DGKG: variants seen among roughly 807,000 people sequenced by gnomAD.
The protein encoded by DGKG is DAG kinase gamma.
A neutral mutation model predicts 105.3 loss-of-function variants in DGKG; 78 were observed. The ratio of observed to expected loss-of-function variants is 0.74; its 90% confidence interval spans 0.62 to 0.89. DGKG has a LOEUF of 0.89. Among genes scored for constraint, DGKG ranks in the 40% least tolerant of loss-of-function variants. DGKG has a pLI of 0.00. For synonymous variants in DGKG, 346 were observed against 367.1 expected (o/e 0.94, Z 0.66); for missense variants, 958 against 1,020.1 (o/e 0.94, Z 0.83).
chr3:186,238,108 C>T (rs947074249), intron 20 of DGKG, among the ~76,000 whole-genome samples: 2 of 151,834 alleles, frequency 1.3e-5, no homozygotes, highest in Non-Finnish European at 2.9e-5. Context: ...GGCTTGCTGA[C>T]ATGGTGAAAC....
In DGKG at chr3:186,272,386, C is replaced by T. The variant is rs184175960; in HGVS notation, c.911-43G>A. 58 of 1,459,634 alleles carry T rather than the reference C, an allele frequency of 4.0e-5. No individual in the cohort carries two copies. In the East Asian group the frequency reaches 4.3e-4, roughly 11 times the overall value. 90.4% of individuals were successfully genotyped at this position (1,459,634 alleles called of 1,614,324 possible). On this transcript the variant is annotated intron_variant, in intron 10 of 24. Coordinates refer to ENST00000265022, the MANE Select transcript of DGKG (RefSeq NM_001346.3). ...CAAGGCAGGTGCTTGTGAATAGCCA[C>T]GTAGGAAAGGCCCAGCTGCCCTCCC...
At chr3:186,265,155 G>A (rs1040185526) in intron 14 of DGKG, 92 bp downstream of exon 14, 18 of 1,241,022 alleles carry the variant, frequency 1.5e-5, no homozygotes, top group Non-Finnish European at 1.9e-5. Flanking sequence ...CAAATGCTGA[G>A]ATGCTTTTCT....
intron 21 of DGKG, among the ~76,000 whole-genome samples, chr3:186,198,070 T>C (rs910020235): frequency 6.6e-6 from 1 of 152,234 alleles, no homozygotes; most frequent in Non-Finnish European, 1.5e-5. Flanking sequence ...GTTCCTGGCA[T>C]GTCTTACCCA....
chr3:186,214,750 C>T (rs1719196144), intron 20 of DGKG, among the ~76,000 whole-genome samples: 1 of 152,194 alleles, frequency 6.6e-6, no homozygotes, highest in Admixed American at 6.5e-5. Flanking sequence ...ATCAATTCAA[C>T]AGACATTCAT....
chr3:186,239,013 G>A (rs557236797), intron 20 of DGKG, among the ~76,000 whole-genome samples: 2 of 152,212 alleles, frequency 1.3e-5, no homozygotes, highest in South Asian at 4.1e-4. Flanking sequence ...TGATAGTTAT[G>A]GACATTCTCT....
At chr3:186,286,173 G>A (rs1349332073) in intron 6 of DGKG, among the ~76,000 whole-genome samples, 4 of 152,030 alleles carry the variant, frequency 2.6e-5, no homozygotes, top group East Asian at 1.9e-4. Context: ...GGGGTGCATC[G>A]CTGGTCAAAG....
At chr3:186,332,518 A>C (rs1376037009) in intron 1 of DGKG, among the ~76,000 whole-genome samples, 1 of 152,100 alleles carries the variant, frequency 6.6e-6, no homozygotes, top group East Asian at 1.9e-4. Context: ...TCTGCCCTAG[A>C]CTCATGCCCT....
At position 186,210,532 on chromosome 3, in the gene DGKG, C is replaced by T; in HGVS notation, c.1917+1263G>A. The T allele has an allele frequency of 2.2e-6, 1 of 447,944 alleles. No individual in the cohort carries two copies. Among genetic ancestry groups the T allele is most frequent in the East Asian group, 7.1e-5 (1 of 14,074 alleles). The allele number at this position is 447,944 out of a possible 1,614,324, so 27.7% of individuals were successfully genotyped here. ...CGCCTCCCACCCTGGCGTTGGTAACCCAGCAACCGAAGAGGAGAGGCAGGC... is the reference window on the plus strand; with the variant it reads ...CGCCTCCCACCCTGGCGTTGGTAACTCAGCAACCGAAGAGGAGAGGCAGGC... On this transcript the variant is annotated intron_variant, in intron 21 of 24. Transcript: ENST00000265022. This position sits in a 1 kb window ranked among gnomAD's most constrained non-coding sequence, Gnocchi z 5.2.
Position 186,148,003 on chromosome 3 carries a change from G to A in DGKG, c.*2087C>T, listed in dbSNP as rs1715580478. 1.0e-6 allele frequency: 1 copy of A among 985,438 alleles called. No individual in the cohort carries two copies. The highest frequency in any genetic ancestry group is 4.7e-5 in the South Asian group (1 of 21,282). 61.0% of individuals were successfully genotyped at this position (985,438 alleles called of 1,614,324 possible). ...TCTTGCTCCTAGGTGGTCCTTCACA[G>A]TTAAGTGCCATTTGTACACACAATC... On this transcript the variant is annotated 3_prime_UTR_variant, in exon 25 of 25. Transcript: ENST00000265022.
intron 22 of DGKG, among the ~76,000 whole-genome samples, chr3:186,179,457 G>A (rs895902703): frequency 4.6e-5 from 7 of 152,130 alleles, no homozygotes; most frequent in Non-Finnish European, 1.0e-4. Context: ...TTTGGCTAAG[G>A]GCAAGCCACT....
chr3:186,296,293 G>A (rs184987655), intron 5 of DGKG, among the ~76,000 whole-genome samples: 11 of 152,290 alleles, frequency 7.2e-5, no homozygotes, highest in East Asian at 1.9e-4. Context: ...GCACAGAGAC[G>A]TTGTTCAAAC....
At chr3:186,340,010 T>C (rs1275815588) in intron 1 of DGKG, among the ~76,000 whole-genome samples, 2 of 152,218 alleles carry the variant, frequency 1.3e-5, no homozygotes, top group African/African-American at 4.8e-5. Context: ...GGGCCGTGCC[T>C]GGCACAGGTC....
At position 186,219,375 on chromosome 3, in the gene DGKG, G is replaced by A. The variant is rs80088599; in HGVS notation, c.1827-7490C>T. On this transcript the variant is annotated intron_variant, in intron 20 of 24. Transcript: ENST00000265022. ...TCTCACTGCTCATCAGAACAGGCAC[G>A]CAGTGATCCTCAGGCACCGAGCTGT... Among the ~76,000 whole-genome samples the A allele has an allele frequency of 6.1e-3, 932 of 152,280 alleles. 6 individuals are homozygous for A. Among genetic ancestry groups the A allele is most frequent in the Non-Finnish European group, 0.01 (713 of 68,020 alleles).
Position 186,149,905 on chromosome 3 carries a change from G to C in DGKG, c.*185C>G. ...TGGCTCTGTTAGGGGTGTACCCACT[G>C]TTGAAACAGAATGTATGGCAAGGTG... On this transcript the variant is annotated 3_prime_UTR_variant, in exon 25 of 25. Transcript: ENST00000265022. 7.1e-7 allele frequency: 1 copy of C among 1,412,608 alleles called. No homozygotes were observed. The highest frequency in any genetic ancestry group is 9.2e-7 in the Non-Finnish European group (1 of 1,088,572). The allele number at this position is 1,412,608 out of a possible 1,614,324, so 87.5% of individuals were successfully genotyped here.
At chr3:186,357,799 C>A (rs1727045109) in intron 1 of DGKG, among the ~76,000 whole-genome samples, 1 of 152,198 alleles carries the variant, frequency 6.6e-6, no homozygotes, top group African/African-American at 2.4e-5. Context: ...TTGCTTGCAC[C>A]AAGCTTACAC....
intron 3 of DGKG, among the ~76,000 whole-genome samples, chr3:186,302,719 G>A (rs568687549): frequency 9.6e-4 from 145 of 151,752 alleles, no homozygotes; most frequent in Middle Eastern, 3.4e-3. Context: ...GCATGAGTCC[G>A]TATCTTCAAA....
chr3:186,181,725 C>G (rs1219087017), intron 22 of DGKG, among the ~76,000 whole-genome samples: 1 of 152,170 alleles, frequency 6.6e-6, no homozygotes, highest in Non-Finnish European at 1.5e-5. Context: ...AAGAGAGAAA[C>G]TACATCTCAA....
chr3:186,283,194 CT>C (rs1344215481), intron 7 of DGKG, among the ~76,000 whole-genome samples: 6 of 152,154 alleles, frequency 3.9e-5, no homozygotes, highest in Non-Finnish European at 7.4e-5. Context: ...AGTCACTCGC[CT>C]GGCCAAAGAT....
chr3:186,160,195 T>G (rs1191235944), intron 24 of DGKG: 7 of 985,174 alleles, frequency 7.1e-6, no homozygotes, highest in Non-Finnish European at 7.2e-6. Context: ...CTCTAAAGGG[T>G]GGTATGGAGG....
Sources: gnomAD v4.1 joint callset for allele counts (sites outside exome capture counted in the v4.1 genomes callset) on GRCh38, gnomAD v4.1.1 for gene constraint, Gnocchi (gnomAD v3.1) non-coding constraint, MANE v1.5 for transcripts, NCBI Gene and HGNC (gene_info 2026-07-23, HGNC 2026-07-21) for gene names.